BPI: variants seen among roughly 807,000 people sequenced by gnomAD.
BPI encodes the protein bactericidal permeability-increasing protein.
In BPI, 48 loss-of-function variants were observed where a neutral mutation model predicts 57.6. That is an observed-to-expected ratio of 0.83 (90% CI 0.66 to 1.06). The LOEUF is 1.06. Ranked by LOEUF, BPI falls within the 50% of genes least tolerant of loss-of-function variation. BPI has a pLI of 0.00. For missense variants in BPI, 651 were observed against 609.7 expected (o/e 1.07, Z -0.71); for synonymous variants, 237 against 238.2 (o/e 0.99, Z 0.05).
Position 38,320,227 on chromosome 20 carries a change from G to A in BPI, c.709G>A (p.Val237Met), listed in dbSNP as rs377617756. Residue 237 changes from valine (V) to methionine (M), a missense_variant, in exon 7 of 15, where the codon GTG becomes ATG. By Grantham distance (21) the Val-to-Met change is conservative. Coordinates refer to ENST00000642449, the MANE Select transcript of BPI (RefSeq NM_001725.3). ...TGTGGCTGGAATCAACTATGGTCTG[G>A]TGGCACCTCCAGCAACCACGGCTGA... is the stretch of plus-strand genomic sequence containing the variant. ...DSVAGINYGL[V>M]APPATTAETL... The A allele has an allele frequency of 3.5e-5, 56 of 1,613,938 alleles. No homozygotes were observed. Among genetic ancestry groups the A allele is most frequent in the South Asian group, 5.5e-5 (5 of 91,074 alleles).
In BPI at chr20:38,310,523, A is replaced by G; in HGVS notation, c.407A>G (p.Glu136Gly). The G allele has an allele frequency of 6.2e-7, 1 of 1,614,144 alleles. No individual in the cohort carries two copies. The highest frequency in any genetic ancestry group is 8.5e-7 in the Non-Finnish European group (1 of 1,179,986). The change falls in exon 4 of 15, where the codon GAA (glutamate) becomes GGA (glycine). Residue 136 changes from glutamate (E) to glycine (G), a missense_variant. Physicochemically the swap from Glu to Gly is moderately conservative, Grantham distance 98 (BLOSUM62 -2). Coordinates refer to ENST00000642449, the MANE Select transcript of BPI (RefSeq NM_001725.3). ...AGCGGCAATTTTGACCTGAGCATAG[A>G]AGGCATGTCCATTTCGGCTGATCTG... The part of the protein sequence containing the change: ...KMSGNFDLSI[E>G]GMSISADLKL...
chr20:38,310,700 C>G, intron 4 of BPI, 48 bp downstream of exon 4: 1 of 1,583,138 alleles, frequency 6.3e-7, no homozygotes, highest in Non-Finnish European at 8.6e-7. Flanking sequence ...TAAAGAAGAA[C>G]TCTCCCAATC....
rs1169744542 is a variant in BPI at position 38,304,336 on chromosome 20, A to G, written c.113A>G (p.Gln38Arg). ...VNPGVVVRIS[Q>R]KGLDYASQQG... The stretch of plus-strand genomic sequence containing the variant: ...CCTGGCGTCGTGGTCAGGATCTCCC[A>G]GAAGGGCCTGGACTACGGTAACTGG... The change falls in exon 1 of 15, where the codon CAG (glutamine) becomes CGG (arginine). Residue 38 changes from glutamine to arginine, a missense_variant. Transcript: ENST00000642449. 10 of 1,613,878 alleles carry G rather than the reference A, an allele frequency of 6.2e-6. No homozygotes were observed. Among genetic ancestry groups the G allele is most frequent in the Non-Finnish European group, 7.6e-6 (9 of 1,180,014 alleles).
chr20:38,334,950 C>T (rs1225925279), intron 13 of BPI, among the ~76,000 whole-genome samples: 1 of 152,124 alleles, frequency 6.6e-6, no homozygotes, highest in African/African-American at 2.4e-5. Flanking sequence ...GTAAGAGCTT[C>T]AGGCAGGCCG....
intron 12 of BPI, among the ~76,000 whole-genome samples, chr20:38,334,194 G>A (rs1213385771): frequency 6.6e-6 from 1 of 152,208 alleles, no homozygotes; most frequent in Non-Finnish European, 1.5e-5. Context: ...TTACAATTGA[G>A]AACATGCTTT....
At chr20:38,319,719 T>C (rs1290865944) in intron 6 of BPI, 1 of 154,368 alleles carries the variant, frequency 6.5e-6, no homozygotes, top group Non-Finnish European at 1.4e-5. Context: ...CTTAGCCTTG[T>C]CTATTATCAA....
intron 6 of BPI, chr20:38,319,951 C>G: frequency 1.8e-6 from 1 of 544,314 alleles, no homozygotes; most frequent in Non-Finnish European, 3.3e-6. Context: ...TGTGTCTTAG[C>G]GACTCATCTC....
intron 10 of BPI, among the ~76,000 whole-genome samples, chr20:38,326,826 A>T (rs1437287253): frequency 1.3e-5 from 2 of 152,196 alleles, no homozygotes; most frequent in Admixed American, 1.3e-4. Context: ...TTGACTTGAA[A>T]TATGTTATAC....
chr20:38,331,237 T>C, intron 12 of BPI, 147 bp downstream of exon 12: 1 of 997,146 alleles, frequency 1.0e-6, no homozygotes, highest in East Asian at 2.6e-5. Flanking sequence ...AGGAGCTTCG[T>C]GGGCAGAGGG....
At position 38,337,371 on chromosome 20, in the gene BPI, T is replaced by C. The variant is rs986622225; in HGVS notation, c.*187T>C. ...ATTCATTGGAAAAGTGCATGGTGTG[T>C]ATTTTAGGGATTATGAGCTTCTTTC... On this transcript the variant is annotated 3_prime_UTR_variant, in exon 15 of 15. Coordinates refer to ENST00000642449, the MANE Select transcript of BPI (RefSeq NM_001725.3). 4.0e-6 allele frequency: 2 copies of C among 505,172 alleles called. No homozygotes were observed. The highest frequency in any genetic ancestry group is 4.1e-5 in the African/African-American group (2 of 49,294). The allele number at this position is 505,172 out of a possible 1,614,324, so 31.3% of individuals were successfully genotyped here.
intron 5 of BPI, among the ~76,000 whole-genome samples, chr20:38,314,994 G>A (rs1460752762): frequency 2.1e-5 from 3 of 140,808 alleles, no homozygotes; most frequent in Non-Finnish European, 3.1e-5. Context: ...AATGGTGATA[G>A]CGAGGTTGAT....
At chr20:38,308,325 T>C (rs957297939) in intron 2 of BPI, among the ~76,000 whole-genome samples, 1 of 152,158 alleles carries the variant, frequency 6.6e-6, no homozygotes, top group African/African-American at 2.4e-5. Context: ...GGACGTGAGG[T>C]CAACTTTCTT....
intron 5 of BPI, among the ~76,000 whole-genome samples, chr20:38,317,038 G>T (rs191786688): frequency 2.6e-4 from 39 of 152,308 alleles, no homozygotes; most frequent in African/African-American, 8.9e-4. Context: ...CAGGACTCTA[G>T]AAGGAGTGTT....
At chr20:38,305,455 A>G (rs754631035) in intron 1 of BPI, among the ~76,000 whole-genome samples, 3 of 152,180 alleles carry the variant, frequency 2.0e-5, no homozygotes, top group Non-Finnish European at 4.4e-5. Flanking sequence ...CCCCTGGCTC[A>G]CATTCTCCAT....
At chr20:38,326,852 C>T (rs921511284) in intron 10 of BPI, among the ~76,000 whole-genome samples, 1 of 152,214 alleles carries the variant, frequency 6.6e-6, no homozygotes, top group Non-Finnish European at 1.5e-5. Context: ...CTGATTCCCA[C>T]TTGCACTCAT....
intron 5 of BPI, 61 bp from the exon 6 acceptor site, chr20:38,318,352 T>C: frequency 2.0e-6 from 3 of 1,521,998 alleles, no homozygotes; most frequent in East Asian, 2.2e-5. Context: ...GGCCCGTTAT[T>C]GTCAAGGGAC....
chr20:38,327,348 G>C (rs2076718479), intron 10 of BPI, among the ~76,000 whole-genome samples: 1 of 152,212 alleles, frequency 6.6e-6, no homozygotes, highest in South Asian at 2.1e-4. Context: ...GCCTCTCCGA[G>C]AGTGGCCCAA....
intron 14 of BPI, 50 bp downstream of exon 14, chr20:38,335,724 C>T (rs768409880): frequency 5.7e-6 from 9 of 1,565,450 alleles, no homozygotes; most frequent in Non-Finnish European, 7.9e-6. Context: ...TAGTGACCAA[C>T]AGCAGCCTAT....
Position 38,337,062 on chromosome 20 carries a change from G to A in BPI, c.1414-84G>A, listed in dbSNP as rs925606645. The stretch of plus-strand genomic sequence containing the variant: ...TTCCTAAGAGGCAGGCTCCCAAAAT[G>A]TCCTTCTTAAAACTCCAGTAGCTCC... On this transcript the variant is annotated intron_variant, in intron 14 of 14. Transcript: ENST00000642449. 1.8e-5 allele frequency: 26 copies of A among 1,430,366 alleles called. No individual in the cohort carries two copies. The Admixed American group carries it at 5.1e-4, about 28-fold the overall frequency. 88.6% of individuals were successfully genotyped at this position (1,430,366 alleles called of 1,614,324 possible). A position where few individuals can be genotyped will look rare whatever the true frequency, so the allele number is the denominator to read the frequency against.
Sources: allele counts gnomAD v4.1 joint callset (sites outside exome capture counted in the v4.1 genomes callset), GRCh38; gene constraint gnomAD v4.1.1; transcripts MANE v1.5; gene names NCBI Gene and HGNC (gene_info 2026-07-23, HGNC 2026-07-21).